DOCK4: variants seen among roughly 807,000 people sequenced by gnomAD.
DOCK4 encodes dedicator of cytokinesis 4.
A neutral mutation model predicts 268.1 loss-of-function variants in DOCK4; 97 were observed. The ratio of observed to expected loss-of-function variants is 0.36; its 90% confidence interval spans 0.31 to 0.43. The LOEUF (loss-of-function observed/expected upper bound fraction) is 0.43, where lower values mean the gene tolerates loss of function less well. Among genes scored for constraint, DOCK4 ranks in the 20% least tolerant of loss-of-function variants. The pLI is 1.00. For missense variants in DOCK4, 2,145 were observed against 2,455.7 expected (o/e 0.87, Z 2.67); for synonymous variants, 954 against 887.2 (o/e 1.08, Z -1.34).
At chr7:112,063,548 C>T (rs977138165) in intron 1 of DOCK4, among the ~76,000 whole-genome samples, 2 of 152,180 alleles carry the variant, frequency 1.3e-5, no homozygotes, top group African/African-American at 4.8e-5. Flanking sequence ...TATTGTACCA[C>T]ATATCACTAA....
intron 5 of DOCK4, among the ~76,000 whole-genome samples, chr7:111,990,718 A>T (rs1799452620): frequency 6.6e-6 from 1 of 152,132 alleles, no homozygotes; most frequent in South Asian, 2.1e-4. Flanking sequence ...TCTCACTCTT[A>T]ACTCATGTTA....
intron 1 of DOCK4, among the ~76,000 whole-genome samples, chr7:112,041,772 C>T (rs2135509861): frequency 6.6e-6 from 1 of 152,308 alleles, no homozygotes; most frequent in Middle Eastern, 3.4e-3. Context: ...ACCAAACATA[C>T]ATTATTTCCA....
intron 44 of DOCK4, among the ~76,000 whole-genome samples, chr7:111,743,789 G>C (rs532166086): frequency 6.6e-6 from 1 of 152,244 alleles, no homozygotes; most frequent in African/African-American, 2.4e-5. Context: ...CCAAACCCAA[G>C]GGACCTCTGG....
intron 36 of DOCK4, among the ~76,000 whole-genome samples, chr7:111,773,854 C>CAA (rs1024584197): frequency 7.1e-6 from 1 of 140,176 alleles, no homozygotes; most frequent in Admixed American, 7.2e-5. Context: ...CTGTCCCTAC[C>CAA]AAAAAAAAAA....
At chr7:112,003,928 T>G (rs1169771150) in intron 2 of DOCK4, 120 bp downstream of exon 2, 1 of 626,628 alleles carries the variant, frequency 1.6e-6, no homozygotes, top group Non-Finnish European at 2.6e-6. Flanking sequence ...GAAACAATTT[T>G]GTCAAAAATG....
chr7:111,850,954 T>C (rs1004079853), intron 23 of DOCK4, among the ~76,000 whole-genome samples: 1 of 152,178 alleles, frequency 6.6e-6, no homozygotes, highest in African/African-American at 2.4e-5. Flanking sequence ...CAAATGTCAT[T>C]AATTATTTTT....
intron 1 of DOCK4, among the ~76,000 whole-genome samples, chr7:112,200,257 T>C (rs926350303): frequency 2.6e-5 from 4 of 152,178 alleles, no homozygotes; most frequent in African/African-American, 9.7e-5. Flanking sequence ...GCAAGTGCTG[T>C]TTTAATTATA....
intron 36 of DOCK4, among the ~76,000 whole-genome samples, chr7:111,771,062 T>C (rs1798096267): frequency 6.6e-6 from 1 of 152,240 alleles, no homozygotes; most frequent in Non-Finnish European, 1.5e-5. Context: ...TTTGCACAGT[T>C]AGCAATATGA....
chr7:111,742,884 C>T (rs1181012609), intron 44 of DOCK4, among the ~76,000 whole-genome samples: 3 of 151,246 alleles, frequency 2.0e-5, no homozygotes, highest in African/African-American at 2.4e-5. Context: ...TCCAACTACT[C>T]GAGTGGCTGA....
intron 7 of DOCK4, among the ~76,000 whole-genome samples, chr7:111,982,128 G>A (rs1322055726): frequency 1.3e-5 from 2 of 152,206 alleles, no homozygotes; most frequent in African/African-American, 4.8e-5. Context: ...AATCAACTGA[G>A]AGAAAGCTGT....
intron 1 of DOCK4, among the ~76,000 whole-genome samples, chr7:112,139,312 C>G (rs368693521): frequency 6.6e-6 from 1 of 152,186 alleles, no homozygotes; most frequent in African/African-American, 2.4e-5. Flanking sequence ...AGGGCTGAGT[C>G]TTTCGAACAA....
intron 16 of DOCK4, among the ~76,000 whole-genome samples, chr7:111,877,927 G>C (rs895729015): frequency 6.6e-6 from 1 of 152,178 alleles, no homozygotes; most frequent in South Asian, 2.1e-4. Context: ...AAATATAACT[G>C]CATGTGGGGG....
chr7:111,785,628 T>C (rs565366060), intron 32 of DOCK4, among the ~76,000 whole-genome samples: 6 of 152,316 alleles, frequency 3.9e-5, no homozygotes, highest in Admixed American at 3.9e-4. Flanking sequence ...CAGCCAGCCT[T>C]GTTCCCTCTC....
intron 36 of DOCK4, among the ~76,000 whole-genome samples, chr7:111,776,411 T>C (rs1470633571): frequency 6.6e-6 from 1 of 152,146 alleles, no homozygotes; most frequent in Non-Finnish European, 1.5e-5. Flanking sequence ...AATAAACGTC[T>C]CACTGGAAAG....
intron 1 of DOCK4, among the ~76,000 whole-genome samples, chr7:112,047,440 C>T (rs989709954): frequency 6.6e-6 from 1 of 152,014 alleles, no homozygotes; most frequent in Non-Finnish European, 1.5e-5. Flanking sequence ...AGAATTAGCA[C>T]ACAAAGACAT....
intron 1 of DOCK4, among the ~76,000 whole-genome samples, chr7:112,032,924 C>G (rs1425970469): frequency 6.6e-6 from 1 of 151,930 alleles, no homozygotes; most frequent in African/African-American, 2.4e-5. Context: ...TTACAACATT[C>G]CTAAAGGGGA....
intron 1 of DOCK4, among the ~76,000 whole-genome samples, chr7:112,184,794 C>A (rs75197648): frequency 0.05 from 7,657 of 152,166 alleles, 302 homozygotes; most frequent in Non-Finnish European, 0.076. Context: ...CAATCCCCCC[C>A]CCTTAGAGCT....
chr7:111,956,690 G>C (rs999528793), intron 8 of DOCK4, among the ~76,000 whole-genome samples: 1 of 152,122 alleles, frequency 6.6e-6, no homozygotes, highest in African/African-American at 2.4e-5. Context: ...CTTTTCTCTT[G>C]CAACATGTGG....
At chr7:112,097,999 C>T (rs367700633) in intron 1 of DOCK4, among the ~76,000 whole-genome samples, 38 of 152,340 alleles carry the variant, frequency 2.5e-4, no homozygotes, top group African/African-American at 8.7e-4. Context: ...CCTTCTCTCT[C>T]ACTCCACGTC....
Sources: gnomAD v4.1 joint callset for allele counts (sites outside exome capture counted in the v4.1 genomes callset) on GRCh38, gnomAD v4.1.1 for gene constraint, MANE v1.5 for transcripts, NCBI Gene and HGNC (gene_info 2026-07-23, HGNC 2026-07-21) for gene names.